Variants in FARP1 observed in about 807,000 individuals in gnomAD.
FARP1 encodes the protein FERM, ARHGEF and pleckstrin domain-containing protein 1.
FARP1 carries 52 observed loss-of-function variants against 128.8 expected under a neutral mutation model. The observed-to-expected ratio is 0.40, with a 90% confidence interval of 0.32 to 0.51. The LOEUF is 0.51. FARP1 is among the 20% of genes least tolerant of loss of function. The pLI is 0.45. For missense variants in FARP1, 1,333 were observed against 1,367.9 expected (o/e 0.97, Z 0.40); for synonymous variants, 580 against 551.8 (o/e 1.05, Z -0.72).
intron 2 of FARP1, among the ~76,000 whole-genome samples, chr13:98,225,166 C>A (rs144060233): frequency 2.4e-4 from 36 of 152,306 alleles, no homozygotes; most frequent in African/African-American, 6.5e-4. Flanking sequence ...ATCTCTTAGC[C>A]TGATCATTTT....
At position 98,389,928 on chromosome 13, in the gene FARP1, A is replaced by G. The variant is rs548827059; in HGVS notation, c.856-29A>G. 63 of 1,611,246 alleles carry G rather than the reference A, an allele frequency of 3.9e-5. No individual in the cohort carries two copies. The Admixed American group carries it at 6.2e-4, about 16-fold the overall frequency. On this transcript the variant is annotated intron_variant, in intron 9 of 26. Transcript: ENST00000319562. The stretch of plus-strand genomic sequence containing the variant: ...AGTGGTGTATCTATGGGTAATGGAA[A>G]AAACCACCGTTGTATTTTCCCTTTT...
intron 3 of FARP1, among the ~76,000 whole-genome samples, chr13:98,363,360 T>C (rs191339290): frequency 6.6e-6 from 1 of 152,346 alleles, no homozygotes; most frequent in African/African-American, 2.4e-5. Flanking sequence ...TCCGTGTGTA[T>C]TGCATATATA....
At chr13:98,380,351 G>C (rs1889844524) in intron 6 of FARP1, among the ~76,000 whole-genome samples, 1 of 151,540 alleles carries the variant, frequency 6.6e-6, no homozygotes, top group Admixed American at 6.6e-5. Flanking sequence ...TTGGGAGGCT[G>C]AGCCAGGAGA....
chr13:98,310,078 A>G (rs1594385487), intron 2 of FARP1, among the ~76,000 whole-genome samples: 2 of 38,828 alleles, frequency 5.2e-5, no homozygotes, highest in East Asian at 3.0e-3. Flanking sequence ...AATAGATTAC[A>G]TGTTTTTTTT....
chr13:98,279,766 C>G (rs564484034), intron 2 of FARP1, among the ~76,000 whole-genome samples: 1 of 152,278 alleles, frequency 6.6e-6, no homozygotes, highest in Non-Finnish European at 1.5e-5. Context: ...AATCCTGTGC[C>G]TTGCTACTGT....
intron 1 of FARP1, among the ~76,000 whole-genome samples, chr13:98,147,782 G>A (rs1277088287): frequency 1.3e-5 from 2 of 151,678 alleles, no homozygotes; most frequent in African/African-American, 4.8e-5. Context: ...TCAGTCTCCC[G>A]AGTAGCTGTG....
At chr13:98,276,006 A>G (rs1884639854) in intron 2 of FARP1, among the ~76,000 whole-genome samples, 1 of 152,336 alleles carries the variant, frequency 6.6e-6, no homozygotes, top group African/African-American at 2.4e-5. Context: ...CTAAGTGATC[A>G]TGGAAATCCC....
chr13:98,434,659 T>C (rs560469487), intron 18 of FARP1: 2 of 152,300 alleles, frequency 1.3e-5, no homozygotes, highest in African/African-American at 4.8e-5. Flanking sequence ...TAGCTTCTTT[T>C]AAATATTGGA....
At chr13:98,425,309 G>C (rs1426669560) in intron 17 of FARP1, 2 of 151,866 alleles carry the variant, frequency 1.3e-5, no homozygotes, top group African/African-American at 4.8e-5. Context: ...TGGATTCAGA[G>C]CTGTGTAGGT....
chr13:98,308,046 T>A (rs1380239854), intron 2 of FARP1, among the ~76,000 whole-genome samples: 1 of 8,042 alleles, frequency 1.2e-4, no homozygotes. Context: ...TTTTTTTTTT[T>A]TTTTTTTTTT....
At chr13:98,275,880 G>T (rs1884632728) in intron 2 of FARP1, among the ~76,000 whole-genome samples, 1 of 152,130 alleles carries the variant, frequency 6.6e-6, no homozygotes, top group Non-Finnish European at 1.5e-5. Context: ...TTCTTTTCAT[G>T]CATTGATTTC....
At chr13:98,387,727 G>T (rs1890150024) in intron 8 of FARP1, among the ~76,000 whole-genome samples, 1 of 152,194 alleles carries the variant, frequency 6.6e-6, no homozygotes, top group Non-Finnish European at 1.5e-5. Context: ...GACTGTGCTG[G>T]CCTTGAAGAC....
chr13:98,453,374 A>G lies in FARP1; in HGVS notation c.*5057A>G. ...AGTCTAATTTTAAAAGAATGCATAT[A>G]AAGACTGAGAAGATCATGATTCTTA... is the stretch of plus-strand genomic sequence containing the variant. On this transcript the variant is annotated 3_prime_UTR_variant, in exon 27 of 27. Coordinates refer to ENST00000319562, the MANE Select transcript of FARP1 (RefSeq NM_005766.4). The G allele has an allele frequency of 3.0e-6, 2 of 664,786 alleles. No homozygotes were observed. Among genetic ancestry groups the G allele is most frequent in the Non-Finnish European group, 2.5e-6 (1 of 403,292 alleles). The allele number at this position is 664,786 out of a possible 1,614,324, so 41.2% of individuals were successfully genotyped here.
chr13:98,405,108 C>G (rs1379814163), intron 13 of FARP1: 2 of 152,162 alleles, frequency 1.3e-5, no homozygotes, highest in Non-Finnish European at 2.9e-5. Flanking sequence ...ACATGGTTAA[C>G]AGGCAGCTTG....
intron 2 of FARP1, chr13:98,328,887 C>A (rs1272623256): frequency 1.3e-5 from 2 of 152,042 alleles, no homozygotes; most frequent in South Asian, 2.1e-4. Flanking sequence ...GCGGGAAATT[C>A]AAAACTTAGG....
chr13:98,299,445 T>C lies in FARP1; in HGVS notation c.172-44317T>C, dbSNP rs190764317. Among the ~76,000 whole-genome samples the C allele has an allele frequency of 1.3e-3, 191 of 152,338 alleles. 1 individual carries two copies. Among genetic ancestry groups the C allele is most frequent in the African/African-American group, 4.4e-3 (183 of 41,580 alleles). On this transcript the variant is annotated intron_variant, in intron 2 of 26. Transcript: ENST00000319562. ...GTATGAACACGTAGGGGCTGTCTAC[T>C]GAAGTGAGAGCTTTGACATTACGCC...
chr13:98,186,413 G>A (rs9556901), intron 1 of FARP1, among the ~76,000 whole-genome samples: 3 of 152,006 alleles, frequency 2.0e-5, no homozygotes, highest in South Asian at 4.2e-4. Flanking sequence ...TGGCGCTCCA[G>A]AACATTTTCC....
intron 6 of FARP1, among the ~76,000 whole-genome samples, chr13:98,383,016 A>T (rs1328187688): frequency 5.3e-5 from 8 of 152,232 alleles, no homozygotes; most frequent in Non-Finnish European, 1.0e-4. Context: ...TTTCAACAGA[A>T]ACACACATAA....
rs1893187983 is a variant in FARP1, at chr13:98,451,437, A to C, written c.*3120A>C. 6.6e-6 allele frequency: 1 copy of C among 152,198 alleles called. No individual in the cohort carries two copies. The highest frequency in any genetic ancestry group is 1.5e-5 in the Non-Finnish European group (1 of 68,038). 9.4% of individuals were successfully genotyped at this position (152,198 alleles called of 1,614,324 possible). On this transcript the variant is annotated 3_prime_UTR_variant, in exon 27 of 27. Transcript: ENST00000319562. ...TTAGCAACTCAGTTCTATTTCCCCA[A>C]CCAAAATATATCCCTTATACAAATT...
Sources: allele counts gnomAD v4.1 joint callset (sites outside exome capture counted in the v4.1 genomes callset), GRCh38; gene constraint gnomAD v4.1.1; transcripts MANE v1.5; gene names NCBI Gene and HGNC (gene_info 2026-07-23, HGNC 2026-07-21).